Variants in DRC7 observed in about 807,000 individuals in gnomAD.
DRC7 encodes dynein regulatory complex subunit 7, also known as coiled-coil domain containing 135.
Under a neutral mutation model 104.4 loss-of-function variants are expected in DRC7, and 80 were observed. The observed-to-expected ratio is 0.77, with a 90% CI of 0.64 to 0.92. The LOEUF is 0.92. DRC7 is among the 40% of genes least tolerant of loss of function. The pLI, the probability that DRC7 is intolerant of heterozygous loss-of-function variation, is 0.00. For missense variants in DRC7, 1,034 were observed against 1,141.1 expected (o/e 0.91, Z 1.35); for synonymous variants, 405 against 447.3 (o/e 0.91, Z 1.19).
At chr16:57,695,078 A>G (rs1360922138) in intron 1 of DRC7, among the ~76,000 whole-genome samples, 1 of 152,068 alleles carries the variant, frequency 6.6e-6, no homozygotes, top group Non-Finnish European at 1.5e-5. Flanking sequence ...GAACCTTGAG[A>G]TAAGACTGCC....
At chr16:57,698,193 G>A (rs199633984) in intron 3 of DRC7, 41 bp downstream of exon 3, 110 of 1,612,338 alleles carry the variant, frequency 6.8e-5, no homozygotes, top group Non-Finnish European at 7.8e-5. Context: ...GGGTAGACCG[G>A]GGCTGGGCAC....
In DRC7 at chr16:57,707,535, C is replaced by T. The variant is rs772920234; in HGVS notation, c.934C>T (p.Arg312Cys). The T allele has an allele frequency of 8.7e-6, 14 of 1,613,386 alleles. No individual in the cohort carries two copies. The highest frequency in any genetic ancestry group is 4.5e-5 in the East Asian group (2 of 44,902). The change falls in exon 8 of 19, where the codon CGC becomes TGC. Residue 312 changes from arginine (R) to cysteine (C), a missense_variant. By Grantham distance (180) the Arg-to-Cys change is radical (BLOSUM62 -3). Coordinates refer to ENST00000360716, the MANE Select transcript of DRC7 (RefSeq NM_001289162.2). The part of the protein sequence containing the change: ...HSWVLVLSGK[R>C]EVPENFFIDP... The stretch of plus-strand genomic sequence containing the variant: ...CTGGGTCCTTGTGCTATCGGGGAAG[C>T]GCGAGGTGCCTGAGAACTTCTTCAT...
At chr16:57,705,797 T>TCCTCCCATCCATCCAC (rs2048713848) in intron 7 of DRC7, among the ~76,000 whole-genome samples, 1 of 107,342 alleles carries the variant, frequency 9.3e-6, no homozygotes, top group Non-Finnish European at 1.8e-5. Context: ...CATCCATCCA[T>TCCTCCCATCCATCCAC]CCTCCCATTT....
chr16:57,727,647 G>T (rs1387757172), intron 16 of DRC7, among the ~76,000 whole-genome samples: 1 of 152,228 alleles, frequency 6.6e-6, no homozygotes, highest in African/African-American at 2.4e-5. Flanking sequence ...AAGGCCTGTG[G>T]TTGGGAAAAG....
chr16:57,703,906 G>A (rs1212596162), intron 6 of DRC7, among the ~76,000 whole-genome samples: 1 of 142,386 alleles, frequency 7.0e-6, no homozygotes, highest in African/African-American at 2.6e-5. Context: ...GGTGGAGGTT[G>A]CAGTGAGCTG....
chr16:57,728,763 T>C (rs377419009), intron 17 of DRC7, among the ~76,000 whole-genome samples, 179 bp downstream of exon 17: 3 of 135,784 alleles, frequency 2.2e-5, no homozygotes, highest in South Asian at 4.4e-4. Context: ...GTTTATCGGA[T>C]AGATGAATCG....
At chr16:57,703,840 G>A (rs941686529) in intron 6 of DRC7, among the ~76,000 whole-genome samples, 1 of 151,958 alleles carries the variant, frequency 6.6e-6, no homozygotes, top group Non-Finnish European at 1.5e-5. Context: ...GGTGGTGCAT[G>A]CCTGTAAACC....
At chr16:57,704,711 G>A (rs1416453271) in intron 6 of DRC7, among the ~76,000 whole-genome samples, 165 bp from the exon 7 acceptor site, 1 of 152,188 alleles carries the variant, frequency 6.6e-6, no homozygotes, top group African/African-American at 2.4e-5. Context: ...ACCTCCCAAG[G>A]TCATGGAGCT....
intron 7 of DRC7, among the ~76,000 whole-genome samples, chr16:57,705,878 C>A (rs2048716090): frequency 6.9e-6 from 1 of 145,096 alleles, no homozygotes; most frequent in African/African-American, 2.6e-5. Flanking sequence ...ATTCTCCCAT[C>A]CATCCATCAT....
intron 18 of DRC7, 32 bp downstream of exon 18, chr16:57,731,102 C>A: frequency 3.1e-6 from 5 of 1,613,676 alleles, no homozygotes; most frequent in Non-Finnish European, 4.2e-6. Context: ...AGAGAACCCA[C>A]TGGGAGGCTG....
At chr16:57,711,928 C>T (rs1482679364) in intron 8 of DRC7, among the ~76,000 whole-genome samples, 1 of 152,116 alleles carries the variant, frequency 6.6e-6, no homozygotes, top group African/African-American at 2.4e-5. Flanking sequence ...AGTGTAGGGC[C>T]TGCAAAATAT....
At chr16:57,715,136 C>G (rs1292259709) in intron 8 of DRC7, among the ~76,000 whole-genome samples, 1 of 152,026 alleles carries the variant, frequency 6.6e-6, no homozygotes, top group Non-Finnish European at 1.5e-5. Flanking sequence ...CAATCCCCGC[C>G]TCCCGGGTTC....
At chr16:57,718,231 C>T in intron 8 of DRC7, 116 bp from the exon 9 acceptor site, 1 of 1,344,398 alleles carries the variant, frequency 7.4e-7, no homozygotes. Flanking sequence ...CTTCCCCAAG[C>T]CCTGGGCCCA....
At chr16:57,707,412 C>T (rs1363588471) in intron 7 of DRC7, 48 bp from the exon 8 acceptor site, 3 of 1,554,496 alleles carry the variant, frequency 1.9e-6, no homozygotes, top group Non-Finnish European at 2.6e-6. Context: ...GCCCCTGACA[C>T]TCCTCTTCCA....
chr16:57,707,514 G>A lies in DRC7; in HGVS notation c.913G>A (p.Val305Ile), dbSNP rs114224823. 5.0e-4 allele frequency: 811 copies of A among 1,613,472 alleles called. 5 individuals carry two copies. In the African/African-American group the frequency reaches 9.9e-3, roughly 20 times the overall value. The change falls in exon 8 of 19, where the codon GTC becomes ATC. Residue 305 changes from valine (V) to isoleucine (I), a missense_variant. Val to Ile is a conservative substitution (Grantham distance 29, BLOSUM62 3). Coordinates refer to ENST00000360716, the MANE Select transcript of DRC7 (RefSeq NM_001289162.2). ...GCACGGCCTGCGGGTGCACTCCTGG[G>A]TCCTTGTGCTATCGGGGAAGCGCGA... The part of the protein sequence containing the change: ...ALHGLRVHSW[V>I]LVLSGKREVP...
At chr16:57,707,374 G>A in intron 7 of DRC7, 86 bp from the exon 8 acceptor site, 1 of 1,284,406 alleles carries the variant, frequency 7.8e-7, no homozygotes, top group Non-Finnish European at 1.1e-6. Flanking sequence ...CTCTCCTGCT[G>A]GTTCCCCAGC....
In DRC7 at chr16:57,726,126, A is replaced by G. The variant is rs2048961494; in HGVS notation, c.1817A>G (p.Glu606Gly). ...AAGCCCGCGGAGGAGGACGTGGCAGAGCGCGTGTTTCTGGTCGCGGAGGAG... is the reference window on the plus strand; with the variant it reads ...AAGCCCGCGGAGGAGGACGTGGCAGGGCGCGTGTTTCTGGTCGCGGAGGAG... ...PAKPAEEDVA[E>G]RVFLVAEERI... is the part of the protein sequence containing the mutation. Residue 606 changes from glutamate to glycine, a missense_variant, in exon 14 of 19, where the codon GAG becomes GGG. Transcript: ENST00000360716. 6.2e-7 allele frequency: 1 copy of G among 1,613,256 alleles called. No homozygotes were observed. The highest frequency in any genetic ancestry group is 1.1e-5 in the South Asian group (1 of 91,084).
chr16:57,716,671 C>T (rs572304060), intron 8 of DRC7, among the ~76,000 whole-genome samples: 55 of 152,242 alleles, frequency 3.6e-4, no homozygotes, highest in African/African-American at 1.3e-3. Context: ...CGAGCTAGGG[C>T]AGAGAAATAC....
Position 57,728,513 on chromosome 16 carries a change from G to A in DRC7, c.2320G>A (p.Asp774Asn). 1 of 1,612,230 alleles carries A rather than the reference G, an allele frequency of 6.2e-7. No homozygotes were observed. The highest frequency in any genetic ancestry group is 8.5e-7 in the Non-Finnish European group (1 of 1,179,694). Residue 774 changes from aspartate to asparagine, a missense_variant, in exon 17 of 19, where the codon GAT (aspartate) becomes AAT (asparagine). Coordinates refer to ENST00000360716, the MANE Select transcript of DRC7 (RefSeq NM_001289162.2). ...LTCWQAVRLK[D>N]ECLSDFKQRL... The stretch of plus-strand genomic sequence containing the variant: ...ATGCTGGCAGGCGGTGCGCCTCAAG[G>A]ATGAGTGCCTCAGCGACTTCAAGCA...
Sources: gnomAD v4.1 joint callset for allele counts (sites outside exome capture counted in the v4.1 genomes callset) on GRCh38, gnomAD v4.1.1 for gene constraint, MANE v1.5 for transcripts, NCBI Gene and HGNC (gene_info 2026-07-23, HGNC 2026-07-21) for gene names.